The following KCNN2 variants were observed in gnomAD, a reference collection of about 807,000 sequenced individuals.
The protein encoded by KCNN2 is small conductance calcium-activated potassium channel protein 2.
A neutral mutation model predicts 55.5 loss-of-function variants in KCNN2; 24 were observed. The observed-to-expected ratio is 0.43, with a 90% CI of 0.31 to 0.61. The LOEUF is 0.61. Among genes scored for constraint, KCNN2 ranks in the 20% least tolerant of loss-of-function variants. KCNN2 has a pLI of 0.08. For synonymous variants in KCNN2, 431 were observed against 336.1 expected (o/e 1.28, Z -3.09); for missense variants, 754 against 853.6 (o/e 0.88, Z 1.45).
At chr5:114,267,774 C>A (rs1391663837) in intron 2 of KCNN2, among the ~76,000 whole-genome samples, 1 of 151,982 alleles carries the variant, frequency 6.6e-6, no homozygotes, top group East Asian at 1.9e-4. Flanking sequence ...AATTTCATAC[C>A]CTGCTAATAT....
At chr5:114,302,842 G>A (rs1156668829) in intron 2 of KCNN2, among the ~76,000 whole-genome samples, 2 of 152,128 alleles carry the variant, frequency 1.3e-5, no homozygotes, top group Non-Finnish European at 2.9e-5. Context: ...TACCCAAGCA[G>A]GTGTTACTCT....
At chr5:114,081,536 T>G (rs947827097) in intron 1 of KCNN2, among the ~76,000 whole-genome samples, 1 of 152,166 alleles carries the variant, frequency 6.6e-6, no homozygotes, top group Non-Finnish European at 1.5e-5. Context: ...ATGGAGAAAG[T>G]GCTTTCAGCA....
At chr5:114,133,823 G>A (rs1752116830) in intron 1 of KCNN2, among the ~76,000 whole-genome samples, 1 of 152,186 alleles carries the variant, frequency 6.6e-6, no homozygotes, top group Admixed American at 6.5e-5. Context: ...TCTTTACCAA[G>A]TAAGGAGTCC....
At chr5:114,222,384 G>A (rs1754158925) in intron 2 of KCNN2, among the ~76,000 whole-genome samples, 1 of 152,064 alleles carries the variant, frequency 6.6e-6, no homozygotes, top group African/African-American at 2.4e-5. Context: ...TACCAGAAAG[G>A]GCTACATGGA....
chr5:114,189,764 A>G (rs1404407066), intron 1 of KCNN2, among the ~76,000 whole-genome samples: 1 of 152,208 alleles, frequency 6.6e-6, no homozygotes, highest in Non-Finnish European at 1.5e-5. Flanking sequence ...CGTCTATAGT[A>G]GTATAGAACA....
chr5:114,198,256 A>G (rs1753598660), intron 1 of KCNN2, among the ~76,000 whole-genome samples: 1 of 150,934 alleles, frequency 6.6e-6, no homozygotes, highest in African/African-American at 2.4e-5. Flanking sequence ...ATGGCTGAGT[A>G]GTATTCCATT....
intron 2 of KCNN2, among the ~76,000 whole-genome samples, chr5:114,283,329 T>C (rs1352752577): frequency 1.3e-5 from 2 of 152,192 alleles, no homozygotes; most frequent in Non-Finnish European, 2.9e-5. Context: ...TAAACCCATC[T>C]ATTGAGTGTT....
chr5:114,403,344 G>A (rs1055589742), intron 2 of KCNN2, among the ~76,000 whole-genome samples: 1 of 152,204 alleles, frequency 6.6e-6, no homozygotes, highest in Non-Finnish European at 1.5e-5. Context: ...GAATGGAAAT[G>A]TGGATTTAAA....
chr5:114,438,725 A>T (rs1461839708), intron 3 of KCNN2, among the ~76,000 whole-genome samples: 1 of 152,114 alleles, frequency 6.6e-6, no homozygotes, highest in East Asian at 1.9e-4. Flanking sequence ...CAGCCATCTT[A>T]CCTTAGCACT....
At chr5:114,162,806 G>T (rs1327752818) in intron 1 of KCNN2, among the ~76,000 whole-genome samples, 1 of 152,184 alleles carries the variant, frequency 6.6e-6, no homozygotes, top group Non-Finnish European at 1.5e-5. Flanking sequence ...CGAGCCAGGT[G>T]TGGGATATAA....
chr5:114,283,537 A>G (rs559848038), intron 2 of KCNN2, among the ~76,000 whole-genome samples: 31 of 152,190 alleles, frequency 2.0e-4, no homozygotes, highest in African/African-American at 6.5e-4. Context: ...TTCTGTTTCT[A>G]TTGACAATTG....
chr5:114,491,296 C>T (rs1024386560), intron 6 of KCNN2, among the ~76,000 whole-genome samples: 7 of 152,094 alleles, frequency 4.6e-5, no homozygotes, highest in Non-Finnish European at 8.8e-5. Context: ...TCAGTCATTT[C>T]TGTGCCACTA....
chr5:114,351,236 AT>A lies in KCNN2; in HGVS notation c.-184-9704del, dbSNP rs535671670. On this transcript the variant is annotated intron_variant, in intron 2 of 10. Coordinates refer to the KCNN2 transcript ENST00000512097. Reference sequence around the variant, plus strand: ...ACAAATGCAATCATTTTGAAATTTCATTTTTAGGTTGTTCATTACTAGTGTA... The same window carrying A: ...ACAAATGCAATCATTTTGAAATTTCATTTTAGGTTGTTCATTACTAGTGTA... Among the ~76,000 whole-genome samples, 541 of 151,578 alleles carry A rather than the reference AT, an allele frequency of 3.6e-3. 6 individuals carry two copies. The highest frequency in any genetic ancestry group is 0.012 in the African/African-American group (509 of 41,420).
chr5:114,155,929 G>A (rs1036158085), intron 1 of KCNN2, among the ~76,000 whole-genome samples: 34 of 152,212 alleles, frequency 2.2e-4, no homozygotes, highest in African/African-American at 7.7e-4. Flanking sequence ...GATTGCTTTA[G>A]CTGTCTTCAT....
chr5:114,321,723 G>A (rs1391320571), intron 2 of KCNN2, among the ~76,000 whole-genome samples: 1 of 151,948 alleles, frequency 6.6e-6, no homozygotes, highest in African/African-American at 2.4e-5. Context: ...AGGCTGGAGT[G>A]CAATGGCATG....
chr5:114,216,796 A>G (rs10058959), intron 1 of KCNN2, among the ~76,000 whole-genome samples: 13,883 of 152,122 alleles, frequency 0.091, 806 homozygotes, highest in Non-Finnish European at 0.12. Flanking sequence ...AGGCAGTAAA[A>G]AGTATAGAGA....
At chr5:114,161,145 G>T (rs1252565937) in intron 1 of KCNN2, among the ~76,000 whole-genome samples, 1 of 152,168 alleles carries the variant, frequency 6.6e-6, no homozygotes, top group East Asian at 1.9e-4. Flanking sequence ...GCTGGTACTG[G>T]TTTTTCCTTT....
At chr5:114,460,077 T>TAGAA (rs1336967816) in intron 3 of KCNN2, among the ~76,000 whole-genome samples, 2 of 152,142 alleles carry the variant, frequency 1.3e-5, no homozygotes, top group Non-Finnish European at 2.9e-5. Context: ...AGCAGGAGAT[T>TAGAA]AGAAAGACCT....
intron 2 of KCNN2, among the ~76,000 whole-genome samples, chr5:114,237,288 A>T (rs926179821): frequency 1.4e-5 from 2 of 144,412 alleles, no homozygotes; most frequent in African/African-American, 5.0e-5. Flanking sequence ...ACACACACAC[A>T]CACTCACACA....
Sources: gnomAD v4.1 joint callset for allele counts (sites outside exome capture counted in the v4.1 genomes callset) on GRCh38, gnomAD v4.1.1 for gene constraint, MANE v1.5 for transcripts, NCBI Gene and HGNC (gene_info 2026-07-23, HGNC 2026-07-21) for gene names.